The following ZNF714 variants were observed in gnomAD, a reference collection of about 807,000 sequenced individuals.
The protein encoded by ZNF714 is zinc finger protein 714.
A neutral mutation model predicts 46.2 loss-of-function variants in ZNF714; 32 were observed. That is an observed-to-expected ratio of 0.69 (90% CI 0.52 to 0.93). The LOEUF (loss-of-function observed/expected upper bound fraction) is 0.93, where lower values mean the gene tolerates loss of function less well. Among genes scored for constraint, ZNF714 ranks in the 40% least tolerant of loss-of-function variants. ZNF714 has a pLI of 0.00. For missense variants in ZNF714, 635 were observed against 646.3 expected (o/e 0.98, Z 0.19); for synonymous variants, 199 against 213.1 (o/e 0.93, Z 0.58).
Position 21,118,414 on chromosome 19 carries a change from T to C in ZNF714, c.*82T>C. 2 of 503,788 alleles carry C rather than the reference T, an allele frequency of 4.0e-6. No individual in the cohort carries two copies. Among genetic ancestry groups the C allele is most frequent in the Non-Finnish European group, 7.0e-6 (2 of 284,160 alleles). The allele number at this position is 503,788 out of a possible 1,614,324, so 31.2% of individuals were successfully genotyped here. On this transcript the variant is annotated 3_prime_UTR_variant, in exon 5 of 5. Transcript: ENST00000456283. ...TTGCAGTGAGCCAAGATCGCGCCATTCTACTCCAGCCTGGGCCACAAGGCA... is the reference window on the plus strand; with the variant it reads ...TTGCAGTGAGCCAAGATCGCGCCATCCTACTCCAGCCTGGGCCACAAGGCA...
At chr19:21,088,971 G>C (rs1451423851) in intron 2 of ZNF714, among the ~76,000 whole-genome samples, 1 of 152,134 alleles carries the variant, frequency 6.6e-6, no homozygotes, top group Non-Finnish European at 1.5e-5. Context: ...TTCCTAAGTG[G>C]TCCAGAGTAT....
At position 21,116,790 on chromosome 19, in the gene ZNF714, G is replaced by C; in HGVS notation, c.143-17G>C. The C allele has an allele frequency of 6.4e-7, 1 of 1,564,628 alleles. No individual in the cohort carries two copies. The highest frequency in any genetic ancestry group is 8.6e-7 in the Non-Finnish European group (1 of 1,161,784). Reference sequence around the variant, plus strand: ...AGTCTAGTAAGTTGAATAATTTGTTGTTTGTATTTCTTTCAGCTATGTGTT... The same window carrying C: ...AGTCTAGTAAGTTGAATAATTTGTTCTTTGTATTTCTTTCAGCTATGTGTT... On this transcript the variant is annotated splice_polypyrimidine_tract_variant and intron_variant, in intron 4 of 4. Transcript: ENST00000456283.
chr19:21,082,731 G>A (rs910324467), intron 1 of ZNF714, among the ~76,000 whole-genome samples: 1 of 152,068 alleles, frequency 6.6e-6, no homozygotes, highest in African/African-American at 2.4e-5. Context: ...TGTTGAAAAT[G>A]TATGGGAGTC....
intron 2 of ZNF714, among the ~76,000 whole-genome samples, chr19:21,094,358 G>C (rs548138026): frequency 1.4e-3 from 209 of 152,180 alleles, no homozygotes; most frequent in Non-Finnish European, 2.7e-3. Flanking sequence ...TGGTAGAATA[G>C]TTTATATTTC....
chr19:21,095,583 C>T (rs1219119890), intron 2 of ZNF714, among the ~76,000 whole-genome samples: 1 of 152,008 alleles, frequency 6.6e-6, no homozygotes, highest in African/African-American at 2.4e-5. Flanking sequence ...CTGCCTCAGC[C>T]TCCCGAGTAG....
At chr19:21,101,485 G>A (rs2144848799) in intron 4 of ZNF714, among the ~76,000 whole-genome samples, 1 of 152,306 alleles carries the variant, frequency 6.6e-6, no homozygotes, top group South Asian at 2.1e-4. Flanking sequence ...CGAGGGCAGT[G>A]TCTGCAGTTG....
intron 2 of ZNF714, among the ~76,000 whole-genome samples, chr19:21,093,018 T>C (rs1263992184): frequency 6.6e-6 from 1 of 150,452 alleles, no homozygotes; most frequent in Admixed American, 6.6e-5. Context: ...CATGCCATTC[T>C]CCTGCCTCAG....
chr19:21,090,926 C>G (rs1968895601), intron 2 of ZNF714: 1 of 120,836 alleles, frequency 8.3e-6, no homozygotes, highest in African/African-American at 3.2e-5. Flanking sequence ...CGCTGTTTTG[C>G]CAGGCTGGAG....
rs1411872876 is a variant in ZNF714 at position 21,117,904 on chromosome 19, A to G, written c.1240A>G (p.Lys414Glu). The change falls in exon 5 of 5, where the codon AAA becomes GAA. Residue 414 changes from lysine to glutamate, a missense_variant. Lys to Glu is a moderately conservative substitution (Grantham distance 56). Transcript: ENST00000456283. ...TTTTAACCAATCCTCAAACCTTACC[A>G]AACATAAGATAATTCATACTGGAGA... Reference protein sequence around the residue: ...KAFNQSSNLTKHKIIHTGEKL... With the variant: ...KAFNQSSNLTEHKIIHTGEKL... 6.2e-7 allele frequency: 1 copy of G among 1,613,036 alleles called. No individual in the cohort carries two copies. Among genetic ancestry groups the G allele is most frequent in the Non-Finnish European group, 8.5e-7 (1 of 1,179,848 alleles).
Position 21,118,733 on chromosome 19 carries a change from C to T in ZNF714, c.*401C>T. 1 of 209,718 alleles carries T rather than the reference C, an allele frequency of 4.8e-6. No individual in the cohort carries two copies. Among genetic ancestry groups the T allele is most frequent in the South Asian group, 6.9e-5 (1 of 14,434 alleles). 13.0% of individuals were successfully genotyped at this position (209,718 alleles called of 1,614,324 possible). ...CTTAACAGACATAACATAATTCATACTGGAAAGAAACTCTGCAAACCAGAA... is the reference window on the plus strand; with the variant it reads ...CTTAACAGACATAACATAATTCATATTGGAAAGAAACTCTGCAAACCAGAA... On this transcript the variant is annotated 3_prime_UTR_variant, in exon 5 of 5. Transcript: ENST00000456283.
chr19:21,093,602 C>G (rs1238639775), intron 2 of ZNF714, among the ~76,000 whole-genome samples: 1 of 151,864 alleles, frequency 6.6e-6, no homozygotes, highest in Non-Finnish European at 1.5e-5. Context: ...ACATACCATA[C>G]TTTGTTTTTA....
At chr19:21,088,784 C>T (rs747478162) in intron 2 of ZNF714, among the ~76,000 whole-genome samples, 3 of 152,264 alleles carry the variant, frequency 2.0e-5, no homozygotes, top group Middle Eastern at 3.4e-3. Flanking sequence ...TACTAGCCCA[C>T]GACCAGGAAA....
rs1465845735 is a variant in ZNF714 at position 21,119,728 on chromosome 19, T to C, written c.*1396T>C. Reference sequence around the variant, plus strand: ...ATCCATAAGTAAGTCTGTGTAAATATCAGAATTTATGGTAGAAATACATAA... The same window carrying C: ...ATCCATAAGTAAGTCTGTGTAAATACCAGAATTTATGGTAGAAATACATAA... On this transcript the variant is annotated 3_prime_UTR_variant, in exon 5 of 5. Transcript: ENST00000456283. 1 of 152,184 alleles carries C rather than the reference T, an allele frequency of 6.6e-6. No individual in the cohort carries two copies. The highest frequency in any genetic ancestry group is 2.4e-5 in the African/African-American group (1 of 41,444). 9.4% of individuals were successfully genotyped at this position (152,184 alleles called of 1,614,324 possible).
intron 2 of ZNF714, among the ~76,000 whole-genome samples, chr19:21,087,390 A>C (rs898769089): frequency 6.6e-6 from 1 of 152,182 alleles, no homozygotes; most frequent in African/African-American, 2.4e-5. Context: ...CATATTTACA[A>C]AAACAGTCCA....
chr19:21,111,510 G>A (rs1023502808), intron 4 of ZNF714, among the ~76,000 whole-genome samples: 3 of 152,122 alleles, frequency 2.0e-5, no homozygotes, highest in African/African-American at 7.2e-5. Context: ...CATGCTGTCT[G>A]CAAACATGTC....
intron 4 of ZNF714, among the ~76,000 whole-genome samples, chr19:21,113,954 A>G (rs1049102867): frequency 6.6e-6 from 1 of 152,116 alleles, no homozygotes; most frequent in Non-Finnish European, 1.5e-5. Flanking sequence ...TGTCTCAATG[A>G]TCTGTCTAAT....
rs567132201 is a variant in ZNF714 at position 21,105,726 on chromosome 19, G to A, written c.142+6816G>A. On this transcript the variant is annotated intron_variant, in intron 4 of 4. Transcript: ENST00000456283. ...TCTCAGCACTTTGGGAGATGGAGGC[G>A]GGTGAATCACTTGAGGTCAGGAGTT... 3.9e-5 allele frequency among the ~76,000 whole-genome samples: 6 copies of A among 152,158 alleles called. No individual in the cohort carries two copies. In the East Asian group the frequency reaches 7.7e-4, roughly 20 times the overall value.
At position 21,098,222 on chromosome 19, in the gene ZNF714, C is replaced by G. The variant is rs758421208; in HGVS notation, c.-47C>G. On this transcript the variant is annotated 5_prime_UTR_variant, in exon 3 of 5. Coordinates refer to ENST00000456283, the MANE Select transcript of ZNF714 (RefSeq NM_182515.4). ...TTTAGGGATGTGGCCATAGAATTCTCTCTGGAGGAGTGGGAATGCCTGAAC... is the reference window on the plus strand; with the variant it reads ...TTTAGGGATGTGGCCATAGAATTCTGTCTGGAGGAGTGGGAATGCCTGAAC... The G allele has an allele frequency of 1.9e-6, 3 of 1,612,560 alleles. No individual in the cohort carries two copies. The African/African-American group carries it at 4.0e-5, about 22-fold the overall frequency.
rs752732064 is a variant in ZNF714, at chr19:21,098,151, A to G, written c.-84-34A>G. 7.1e-6 allele frequency: 11 copies of G among 1,558,798 alleles called. No individual in the cohort carries two copies. The East Asian group carries it at 2.6e-4, about 36-fold the overall frequency. ...AAATTCTGCCCATGGCCACTTGGTA[A>G]ATATACGTGTGTCTGTGCGTATGTG... On this transcript the variant is annotated intron_variant, in intron 2 of 4. Coordinates refer to ENST00000456283, the MANE Select transcript of ZNF714 (RefSeq NM_182515.4).
Sources: gnomAD v4.1 joint callset for allele counts (sites outside exome capture counted in the v4.1 genomes callset) on GRCh38, gnomAD v4.1.1 for gene constraint, MANE v1.5 for transcripts, NCBI Gene and HGNC (gene_info 2026-07-23, HGNC 2026-07-21) for gene names.